CRPPA: variants seen among roughly 807,000 people sequenced by gnomAD.
The protein encoded by CRPPA is CDP-L-ribitol pyrophosphorylase A, also known as D-ribitol-5-phosphate cytidylyltransferase.
Under a neutral mutation model 52.0 loss-of-function variants are expected in CRPPA, and 43 were observed. That is an observed-to-expected ratio of 0.83 (90% CI 0.65 to 1.07). The LOEUF is 1.07. Ranked by LOEUF, CRPPA falls within the 50% of genes least tolerant of loss-of-function variation. The probability of loss-of-function intolerance (pLI) is 0.00; values close to 1 mark genes in which losing one functional copy is unlikely to be tolerated. For missense variants in CRPPA, 629 were observed against 551.7 expected (o/e 1.14, Z -1.40); for synonymous variants, 250 against 203.5 (o/e 1.23, Z -1.94).
At chr7:16,247,675 C>A (rs1319214530) in intron 8 of CRPPA, among the ~76,000 whole-genome samples, 1 of 152,156 alleles carries the variant, frequency 6.6e-6, no homozygotes, top group African/African-American at 2.4e-5. Context: ...TTGCCAGACA[C>A]AGGGTTGCCA....
chr7:16,194,610 C>T (rs931805311), intron 9 of CRPPA, among the ~76,000 whole-genome samples: 21 of 152,142 alleles, frequency 1.4e-4, no homozygotes, highest in African/African-American at 4.8e-4. Flanking sequence ...TTTGGATTTA[C>T]ACCTTGTATT....
chr7:16,160,786 C>G (rs959258248), intron 9 of CRPPA, among the ~76,000 whole-genome samples: 2 of 152,158 alleles, frequency 1.3e-5, no homozygotes, highest in African/African-American at 4.8e-5. Flanking sequence ...TTGATTATTC[C>G]TATCAATGAG....
intron 5 of CRPPA, among the ~76,000 whole-genome samples, chr7:16,279,703 G>A (rs960380147): frequency 1.3e-5 from 2 of 152,162 alleles, no homozygotes; most frequent in African/African-American, 4.8e-5. Flanking sequence ...TTTTGCTTAG[G>A]AGTGGGAGAA....
intron 9 of CRPPA, among the ~76,000 whole-genome samples, chr7:16,169,221 A>T (rs571932868): frequency 6.6e-6 from 1 of 152,330 alleles, no homozygotes; most frequent in Non-Finnish European, 1.5e-5. Flanking sequence ...AAAAGGTAAG[A>T]TATAATTAAA....
chr7:16,130,299 T>C (rs1260784533), intron 9 of CRPPA, among the ~76,000 whole-genome samples: 1 of 152,178 alleles, frequency 6.6e-6, no homozygotes, highest in African/African-American at 2.4e-5. Context: ...AGAGTATCTC[T>C]AAATAAAGTC....
intron 5 of CRPPA, among the ~76,000 whole-genome samples, chr7:16,290,508 T>A (rs1583495859): frequency 6.6e-6 from 1 of 151,900 alleles, no homozygotes; most frequent in South Asian, 2.1e-4. Context: ...ATATTTACAG[T>A]CAACTGATTT....
intron 9 of CRPPA, among the ~76,000 whole-genome samples, chr7:16,113,449 A>G (rs1782307392): frequency 6.6e-6 from 1 of 152,084 alleles, no homozygotes; most frequent in Non-Finnish European, 1.5e-5. Context: ...ACAGAACAAA[A>G]ATTCATCAAG....
At chr7:16,308,082 C>T (rs954797904) in intron 4 of CRPPA, among the ~76,000 whole-genome samples, 6 of 151,946 alleles carry the variant, frequency 3.9e-5, no homozygotes, top group East Asian at 1.9e-4. Flanking sequence ...AGTGAGGTCT[C>T]GAAGTGTCTC....
intron 2 of CRPPA, among the ~76,000 whole-genome samples, chr7:16,397,898 G>C (rs1252495506): frequency 6.6e-6 from 1 of 152,136 alleles, no homozygotes; most frequent in Non-Finnish European, 1.5e-5. Context: ...TGTGACCAAA[G>C]CATGTTTGAC....
At chr7:16,132,536 T>A (rs1295194) in intron 9 of CRPPA, among the ~76,000 whole-genome samples, 123,358 of 123,358 alleles carry the variant, frequency 1, 61,679 homozygotes, top group Non-Finnish European at 1. Flanking sequence ...TTAATGAGGT[T>A]AGAAAGAGGT....
chr7:16,217,018 C>T (rs1482058548), intron 8 of CRPPA, among the ~76,000 whole-genome samples: 1 of 151,872 alleles, frequency 6.6e-6, no homozygotes, highest in African/African-American at 2.4e-5. Flanking sequence ...ACAGCAGTAA[C>T]GTCTGCAGAC....
intron 5 of CRPPA, among the ~76,000 whole-genome samples, chr7:16,279,911 A>T (rs1000122548): frequency 6.6e-6 from 1 of 152,220 alleles, no homozygotes; most frequent in African/African-American, 2.4e-5. Flanking sequence ...TTGGACTTAC[A>T]GTTCCATGTG....
At chr7:16,218,857 C>T (rs1207405741) in intron 8 of CRPPA, among the ~76,000 whole-genome samples, 3 of 149,400 alleles carry the variant, frequency 2.0e-5, no homozygotes, top group Admixed American at 6.7e-5. Flanking sequence ...ACTTTAACAC[C>T]CCACTGTCAA....
intron 3 of CRPPA, among the ~76,000 whole-genome samples, chr7:16,333,752 A>G (rs1025250264): frequency 6.6e-6 from 1 of 152,138 alleles, no homozygotes; most frequent in Non-Finnish European, 1.5e-5. Flanking sequence ...TTCTCCCCCA[A>G]TTTCACAAAC....
At chr7:16,104,095 A>G (rs1028204697) in intron 9 of CRPPA, among the ~76,000 whole-genome samples, 1 of 152,182 alleles carries the variant, frequency 6.6e-6, no homozygotes, top group African/African-American at 2.4e-5. Flanking sequence ...TAATGGGTAG[A>G]TAGTTAGTAT....
chr7:16,152,471 A>C (rs1397968700), intron 9 of CRPPA, among the ~76,000 whole-genome samples: 6 of 151,982 alleles, frequency 3.9e-5, no homozygotes, highest in African/African-American at 9.7e-5. Context: ...ACGAATACTT[A>C]ATTTGCCTTA....
chr7:16,160,133 G>A (rs956658398), intron 9 of CRPPA, among the ~76,000 whole-genome samples: 6 of 152,140 alleles, frequency 3.9e-5, no homozygotes, highest in Non-Finnish European at 8.8e-5. Flanking sequence ...TCACTCTGAT[G>A]ATAGTTTATT....
chr7:16,295,886 C>T (rs1347493726), intron 5 of CRPPA, among the ~76,000 whole-genome samples: 2 of 152,056 alleles, frequency 1.3e-5, no homozygotes, highest in African/African-American at 4.8e-5. Context: ...TCAGTCAGTC[C>T]AGTGTCTTGT....
At position 16,301,535 on chromosome 7, in the gene CRPPA, C is replaced by G. The variant is rs1784789705; in HGVS notation, c.790-69G>C. The G allele has an allele frequency of 3.2e-5, 36 of 1,130,024 alleles. 1 individual carries two copies. The South Asian group carries it at 4.3e-4, about 14-fold the overall frequency. The allele number at this position is 1,130,024 out of a possible 1,614,324, so 70.0% of individuals were successfully genotyped here. ...GAATGTGCAAGCAATAAAATAATGC[C>G]CCCAAGGAAATTCTTGATTTTTCAG... On this transcript the variant is annotated intron_variant, in intron 4 of 9. Coordinates refer to ENST00000407010, the MANE Select transcript of CRPPA (RefSeq NM_001101426.4).
Sources: gnomAD v4.1 joint callset for allele counts (sites outside exome capture counted in the v4.1 genomes callset) on GRCh38, gnomAD v4.1.1 for gene constraint, MANE v1.5 for transcripts, NCBI Gene and HGNC (gene_info 2026-07-23, HGNC 2026-07-21) for gene names.